Variants in GALNT15 observed in about 807,000 individuals in gnomAD.
The protein encoded by GALNT15 is polypeptide N-acetylgalactosaminyltransferase 15, also known as UDP-GalNAc transferase T15.
Under a neutral mutation model 66.8 loss-of-function variants are expected in GALNT15, and 67 were observed. The observed-to-expected ratio is 1.00, with a 90% CI of 0.82 to 1.23. GALNT15 has a LOEUF of 1.23. GALNT15 is among the 50% of genes most tolerant of loss of function. The pLI is 0.00. For synonymous variants in GALNT15, 313 were observed against 311.5 expected (o/e 1.00, Z -0.05); for missense variants, 827 against 804.3 (o/e 1.03, Z -0.34).
rs758077141 is a variant in GALNT15 at position 16,229,542 on chromosome 3, A to G, written c.*2042A>G. The G allele has an allele frequency of 6.6e-5, 65 of 984,924 alleles. No individual in the cohort carries two copies. Among genetic ancestry groups the G allele is most frequent in the Non-Finnish European group, 7.6e-5 (63 of 829,600 alleles). 61.0% of individuals were successfully genotyped at this position (984,924 alleles called of 1,614,324 possible). On this transcript the variant is annotated 3_prime_UTR_variant, in exon 10 of 10. Coordinates refer to ENST00000339732, the MANE Select transcript of GALNT15 (RefSeq NM_054110.5). ...GTCTTCTTGCTTCAGACCCATCTAT[A>G]TTTAAAACAAATTTCCCTAAATCCT...
At position 16,200,671 on chromosome 3, in the gene GALNT15, G is replaced by A; in HGVS notation, c.759G>A (p.Lys253=). 6.2e-7 allele frequency: 1 copy of A among 1,605,298 alleles called. No individual in the cohort carries two copies. Among genetic ancestry groups the A allele is most frequent in the Non-Finnish European group, 8.5e-7 (1 of 1,175,834 alleles). Residue 253 remains lysine, a synonymous_variant, in exon 3 of 10, where the codon AAG becomes AAA. Transcript: ENST00000339732. This position sits in a 1 kb window ranked among gnomAD's most constrained non-coding sequence, Gnocchi z 4.4. The stretch of plus-strand genomic sequence containing the variant: ...ATGTGGCCAGGCTGGAGGGGGTGAA[G>A]TTACTCAGGAGCAACAAGAGGCTGG... ...SEYVARLEGV[K]LLRSNKRLGA...
rs564024580 is a variant in GALNT15, at chr3:16,201,267, C to T, written c.911+444C>T. 7.6e-4 allele frequency among the ~76,000 whole-genome samples: 115 copies of T among 152,160 alleles called. 1 individual carries two copies. In the South Asian group the frequency reaches 0.021, roughly 27 times the overall value. ...GGCGATCTCGGCTCACTGCAAGCTG[C>T]GCCTCCCGGGTTCACGCCATTCTCC... On this transcript the variant is annotated intron_variant, in intron 3 of 9. Coordinates refer to ENST00000339732, the MANE Select transcript of GALNT15 (RefSeq NM_054110.5).
intron 9 of GALNT15, among the ~76,000 whole-genome samples, chr3:16,226,888 G>A (rs1559695853): frequency 6.6e-6 from 1 of 152,194 alleles, no homozygotes; most frequent in East Asian, 1.9e-4. Context: ...ATGGTCTTCT[G>A]AACATGGCTG....
At chr3:16,220,149 C>T in intron 8 of GALNT15, 135 bp downstream of exon 8, 1 of 702,368 alleles carries the variant, frequency 1.4e-6, no homozygotes, top group Non-Finnish European at 2.6e-6. Flanking sequence ...CTGCCATGGT[C>T]CCCCACTGTA....
At chr3:16,244,838 TAAC>T in the GALNT15 span, among the ~76,000 whole-genome samples, 1 of 152,184 alleles carries the variant, frequency 6.6e-6, no homozygotes, top group East Asian at 1.9e-4. Flanking sequence ...ATTTAAAATA[TAAC>T]TCCAAAGTTC....
chr3:16,239,290 G>A, the GALNT15 span, among the ~76,000 whole-genome samples: 1 of 152,180 alleles, frequency 6.6e-6, no homozygotes, highest in Non-Finnish European at 1.5e-5. The surrounding 1 kb of genome is among the most constrained non-coding windows in gnomAD (Gnocchi z 5.2). Flanking sequence ...TTGCCACCCA[G>A]AACCTCACAA....
At position 16,219,330 on chromosome 3, in the gene GALNT15, CT is replaced by C; in HGVS notation, c.1393-72del. 6.3e-7 allele frequency: 1 copy of C among 1,581,038 alleles called. No individual in the cohort carries two copies. The highest frequency in any genetic ancestry group is 8.6e-7 in the Non-Finnish European group (1 of 1,162,052). The stretch of plus-strand genomic sequence containing the variant: ...TGATCCTTTAGCTTCTTCCCAGCCA[CT>C]CCATCCCCAACCATGTGAATTCTGG... On this transcript the variant is annotated intron_variant, in intron 6 of 9. Transcript: ENST00000339732. This position sits in a 1 kb window ranked among gnomAD's most constrained non-coding sequence, Gnocchi z 4.3.
the GALNT15 span, chr3:16,243,914 T>C: frequency 1.4e-6 from 1 of 733,642 alleles, no homozygotes; most frequent in Non-Finnish European, 1.7e-6. Flanking sequence ...AGATTGACCT[T>C]GTCTGATGTC....
downstream of GALNT15, among the ~76,000 whole-genome samples, chr3:16,233,313 T>A (rs1481246679): frequency 6.6e-6 from 1 of 151,844 alleles, no homozygotes; most frequent in Admixed American, 6.6e-5. Context: ...CAGTCTGGTC[T>A]TGAACTCCTG....
chr3:16,216,501 G>GGAAA (rs1553687229), intron 6 of GALNT15, among the ~76,000 whole-genome samples: 1 of 144,114 alleles, frequency 6.9e-6, no homozygotes. Context: ...TCTGTCTCGG[G>GGAAA]AAAAAAAAAA....
intron 6 of GALNT15, among the ~76,000 whole-genome samples, chr3:16,214,565 T>C (rs927859815): frequency 6.6e-6 from 1 of 152,116 alleles, no homozygotes; most frequent in Admixed American, 6.5e-5. Context: ...TCAAAAAAGG[T>C]CAACCAAGCA....
At chr3:16,242,438 C>T in the GALNT15 span, among the ~76,000 whole-genome samples, 1 of 152,060 alleles carries the variant, frequency 6.6e-6, no homozygotes, top group Admixed American at 6.6e-5. The surrounding 1 kb of genome is among the most constrained non-coding windows in gnomAD (Gnocchi z 5.6). Flanking sequence ...GAGGTGGAAA[C>T]AATTTTGGCC....
rs900328633 is a variant in GALNT15, at chr3:16,193,172, C to A, written c.540-2588C>A. 4.0e-5 allele frequency among the ~76,000 whole-genome samples: 6 copies of A among 151,828 alleles called. No homozygotes were observed. The highest frequency in any genetic ancestry group is 1.5e-4 in the African/African-American group (6 of 41,334). On this transcript the variant is annotated intron_variant, in intron 1 of 9. Coordinates refer to ENST00000339732, the MANE Select transcript of GALNT15 (RefSeq NM_054110.5). The surrounding 1 kb of genome is among the most constrained non-coding windows in gnomAD (Gnocchi z 4.7). ...GAAAGAGTGTTGCTTTCCCCAAAAA[C>A]CTTGCATGTAACTTCTCTAATGGTG...
downstream of GALNT15, among the ~76,000 whole-genome samples, chr3:16,235,732 A>G (rs2064121939): frequency 6.6e-6 from 1 of 152,160 alleles, no homozygotes. Context: ...GGGGATGGAA[A>G]TCAAGGAACA....
rs772495486 is a variant in GALNT15, at chr3:16,204,779, G to T, written c.912-3724G>T. Among the ~76,000 whole-genome samples, 6 of 152,210 alleles carry T rather than the reference G, an allele frequency of 3.9e-5. No individual in the cohort carries two copies. The highest frequency in any genetic ancestry group is 9.6e-5 in the African/African-American group (4 of 41,458). ...TCCGGTCCTTCAGGATCAGCCAGGG[G>T]TGCTATGGGGAGAAGCAATGTGGGG... On this transcript the variant is annotated intron_variant, in intron 3 of 9. Transcript: ENST00000339732. The surrounding 1 kb of genome is among the most constrained non-coding windows in gnomAD (Gnocchi z 4.5).
Position 16,219,847 on chromosome 3 carries a change from C to G in GALNT15, c.1525-63C>G. ...AGAGAATACAGCAAAGGAATGGTGT[C>G]TGACCGAGGGTGTCTTTACAGTGGA... On this transcript the variant is annotated intron_variant, in intron 7 of 9. Coordinates refer to ENST00000339732, the MANE Select transcript of GALNT15 (RefSeq NM_054110.5). This position sits in a 1 kb window ranked among gnomAD's most constrained non-coding sequence, Gnocchi z 4.3. The G allele has an allele frequency of 2.3e-6, 3 of 1,324,196 alleles. No homozygotes were observed. The allele number at this position is 1,324,196 out of a possible 1,614,324, so 82.0% of individuals were successfully genotyped here.
intron 4 of GALNT15, among the ~76,000 whole-genome samples, chr3:16,210,062 T>C (rs1396489455): frequency 6.6e-6 from 1 of 152,226 alleles, no homozygotes. Flanking sequence ...AAAAGCACAC[T>C]GGTCCCACAG....
At chr3:16,230,698 CTATT>C (rs542275214), downstream of GALNT15, among the ~76,000 whole-genome samples, 27 of 152,284 alleles carry the variant, frequency 1.8e-4, no homozygotes, top group East Asian at 9.6e-4. This position sits in a 1 kb window ranked among gnomAD's most constrained non-coding sequence, Gnocchi z 4.5. Context: ...ATTATGCACA[CTATT>C]TATGTTGTTC....
In GALNT15 at chr3:16,176,994, T is replaced by C. The variant is rs1448818764; in HGVS notation, c.539+1304T>C. On this transcript the variant is annotated intron_variant, in intron 1 of 9. Coordinates refer to ENST00000339732, the MANE Select transcript of GALNT15 (RefSeq NM_054110.5). The surrounding 1 kb of genome is among the most constrained non-coding windows in gnomAD (Gnocchi z 5.6). ...TTTCAAGCCTTACCTTTAAAAGCTATTTTCAGGAAATTCCCACCCCATTCT... is the reference window on the plus strand; with the variant it reads ...TTTCAAGCCTTACCTTTAAAAGCTACTTTCAGGAAATTCCCACCCCATTCT... Among the ~76,000 whole-genome samples the C allele has an allele frequency of 6.6e-6, 1 of 152,178 alleles. No individual in the cohort carries two copies. Among genetic ancestry groups the C allele is most frequent in the Non-Finnish European group, 1.5e-5 (1 of 68,036 alleles).
Sources: gnomAD v4.1 joint callset for allele counts (sites outside exome capture counted in the v4.1 genomes callset) on GRCh38, gnomAD v4.1.1 for gene constraint, Gnocchi (gnomAD v3.1) non-coding constraint, MANE v1.5 for transcripts, NCBI Gene and HGNC (gene_info 2026-07-23, HGNC 2026-07-21) for gene names.